PCDH11Y: variants seen among roughly 807,000 people sequenced by gnomAD.
PCDH11Y encodes the protein protocadherin-11 Y-linked.
For missense variants in PCDH11Y, 12 were observed against 224.8 expected (o/e 0.05, Z 6.05); for synonymous variants, 9 against 83.6 (o/e 0.11, Z 4.87).
chrY:5,496,558 G>T, intron 2 of PCDH11Y, among the ~76,000 whole-genome samples: 4 of 32,016 alleles, frequency 1.2e-4, no homozygotes. Context: ...TACAGAAAAA[G>T]TTTGCTGAAC....
intron 2 of PCDH11Y, among the ~76,000 whole-genome samples, chrY:5,348,711 C>T: frequency 3.0e-5 from 1 of 33,286 alleles, no homozygotes; most frequent in Non-Finnish European, 7.3e-5. Flanking sequence ...TAAGTCAGTT[C>T]TGTTGTGCTA....
chrY:5,225,336 G>C, intron 2 of PCDH11Y, among the ~76,000 whole-genome samples: 1 of 12,198 alleles, frequency 8.2e-5, no homozygotes, highest in Non-Finnish European at 1.7e-4. Flanking sequence ...CAATTGCTTT[G>C]ATTTTTAGAT....
chrY:5,011,322 G>A (rs2052549441), intron 1 of PCDH11Y, among the ~76,000 whole-genome samples: 1 of 33,612 alleles, frequency 3.0e-5, no homozygotes, highest in South Asian at 6.4e-4. Flanking sequence ...TCGTCATACA[G>A]TGTCAATGGT....
Position 5,186,519 on chromosome Y carries a change from C to A in PCDH11Y, c.3129+85812C>A, listed in dbSNP as rs1224588643. Among the ~76,000 whole-genome samples, 15 of 31,840 alleles carry A rather than the reference C, an allele frequency of 4.7e-4. No individual in the cohort carries two copies. The East Asian group carries it at 0.011, about 24-fold the overall frequency. The allele number at this position is 31,840 out of a possible 37,273, so 85.4% of individuals were successfully genotyped here. A position where few individuals can be genotyped will look rare whatever the true frequency, so the allele number is the denominator to read the frequency against. On this transcript the variant is annotated intron_variant, in intron 2 of 4. Transcript: ENST00000400457. ...AGCAAACACATCCTTCTTCACATGGCAGCAGCAAGGAGAAGTGCCTGTGAA... is the reference window on the plus strand; with the variant it reads ...AGCAAACACATCCTTCTTCACATGGAAGCAGCAAGGAGAAGTGCCTGTGAA...
chrY:5,178,480 A>G lies in PCDH11Y; in HGVS notation c.3129+77773A>G. ...AGAGAGTTTCTTAAAAAGTTTTAGT[A>G]TGTAGCTTTGGTAATATGAGCCAAG... On this transcript the variant is annotated intron_variant, in intron 2 of 4. Transcript: ENST00000400457. 1.8e-4 allele frequency among the ~76,000 whole-genome samples: 6 copies of G among 33,046 alleles called. No homozygotes were observed. The South Asian group carries it at 4.0e-3, about 22-fold the overall frequency. The allele number at this position is 33,046 out of a possible 37,273, so 88.7% of individuals were successfully genotyped here.
intron 4 of PCDH11Y, among the ~76,000 whole-genome samples, chrY:5,632,949 T>C (rs2053513538): frequency 3.0e-5 from 1 of 32,961 alleles, no homozygotes; most frequent in African/African-American, 1.2e-4. Flanking sequence ...ACCAGGAAAT[T>C]CACCTATTAT....
chrY:5,583,725 T>A, intron 4 of PCDH11Y, among the ~76,000 whole-genome samples: 1 of 22,773 alleles, frequency 4.4e-5, no homozygotes, highest in Non-Finnish European at 1.0e-4. Flanking sequence ...TATTCATCAG[T>A]GATATTGGCC....
chrY:5,380,579 T>G, intron 2 of PCDH11Y, among the ~76,000 whole-genome samples: 3 of 20,398 alleles, frequency 1.5e-4, no homozygotes, highest in Non-Finnish European at 3.4e-4. Context: ...TTCAATAGCA[T>G]TTTTTTTTTT....
At chrY:5,027,195 A>G (rs2052580218) in intron 1 of PCDH11Y, among the ~76,000 whole-genome samples, 1 of 31,319 alleles carries the variant, frequency 3.2e-5, no homozygotes, top group Non-Finnish European at 7.6e-5. Context: ...ACTTGAGCTG[A>G]GGAGTTAGAG....
At chrY:5,573,559 T>C in intron 3 of PCDH11Y, 1 of 278,243 alleles carries the variant, frequency 3.6e-6, no homozygotes, top group African/African-American at 7.0e-5. Context: ...AGGGCTCAGA[T>C]CTTCGCAAAT....
chrY:5,406,919 C>T lies in PCDH11Y; in HGVS notation c.3130-94138C>T, dbSNP rs1602920667. ...AAAAGAAAACATTCAAGGAAGATGTCTTTCTACCTTTTGCTATGTAATCTT... is the reference window on the plus strand; with the variant it reads ...AAAAGAAAACATTCAAGGAAGATGTTTTTCTACCTTTTGCTATGTAATCTT... On this transcript the variant is annotated intron_variant, in intron 2 of 4. Coordinates refer to the PCDH11Y transcript ENST00000400457. 5.4e-3 allele frequency among the ~76,000 whole-genome samples: 178 copies of T among 32,753 alleles called. No individual in the cohort carries two copies. The Middle Eastern group carries it at 0.23, about 41-fold the overall frequency. The allele number at this position is 32,753 out of a possible 37,273, so 87.9% of individuals were successfully genotyped here. A position where few individuals can be genotyped will look rare whatever the true frequency, so the allele number is the denominator to read the frequency against.
At chrY:5,408,267 T>C in intron 2 of PCDH11Y, among the ~76,000 whole-genome samples, 1 of 33,077 alleles carries the variant, frequency 3.0e-5, no homozygotes, top group Admixed American at 2.8e-4. Context: ...TGTATAGATA[T>C]ATTGGTTCAT....
At chrY:5,522,089 G>T in intron 3 of PCDH11Y, among the ~76,000 whole-genome samples, 1 of 31,966 alleles carries the variant, frequency 3.1e-5, no homozygotes, top group Admixed American at 2.8e-4. Flanking sequence ...TAGCCAGGAC[G>T]GTCTCGATCT....
At chrY:5,326,020 C>T (rs2053119516) in intron 2 of PCDH11Y, among the ~76,000 whole-genome samples, 1 of 32,821 alleles carries the variant, frequency 3.0e-5, no homozygotes, top group Non-Finnish European at 7.5e-5. Flanking sequence ...GTCCATTCTA[C>T]CTTTCTTGAA....
intron 4 of PCDH11Y, among the ~76,000 whole-genome samples, chrY:5,669,206 A>G (rs2053547153): frequency 3.1e-5 from 1 of 32,415 alleles, no homozygotes. Flanking sequence ...TTTTGAAAAC[A>G]TATCATAAAT....
chrY:5,232,682 G>A, intron 2 of PCDH11Y, among the ~76,000 whole-genome samples: 1 of 32,753 alleles, frequency 3.1e-5, no homozygotes, highest in African/African-American at 1.2e-4. Flanking sequence ...ACACTCCCTT[G>A]ACTTCTCCAG....
intron 2 of PCDH11Y, among the ~76,000 whole-genome samples, chrY:5,262,735 G>A: frequency 3.1e-5 from 1 of 32,456 alleles, no homozygotes; most frequent in Non-Finnish European, 7.5e-5. Flanking sequence ...AAATTCAAGC[G>A]GGCTGAAGAA....
At chrY:5,153,073 C>T in intron 2 of PCDH11Y, among the ~76,000 whole-genome samples, 2 of 32,363 alleles carry the variant, frequency 6.2e-5, no homozygotes, top group African/African-American at 2.4e-4. Context: ...ATCATGGCCA[C>T]GTTGATTAGC....
chrY:5,406,133 A>G (rs2053238533), intron 2 of PCDH11Y, among the ~76,000 whole-genome samples: 1 of 31,575 alleles, frequency 3.2e-5, no homozygotes, highest in African/African-American at 1.2e-4. Context: ...GAAAATGTAA[A>G]GACTCTGTCT....
Sources: allele counts gnomAD v4.1 joint callset (sites outside exome capture counted in the v4.1 genomes callset), GRCh38; gene constraint gnomAD v4.1.1; transcripts MANE v1.5; gene names NCBI Gene and HGNC (gene_info 2026-07-23, HGNC 2026-07-21).